The following PHF24 variants were observed in gnomAD, a reference collection of about 807,000 sequenced individuals.
The protein encoded by PHF24 is PHD finger protein 24, also known as Galpha inhibitory interacting protein.
A neutral mutation model predicts 42.6 loss-of-function variants in PHF24; 25 were observed. The ratio of observed to expected loss-of-function variants is 0.59; its 90% CI spans 0.43 to 0.82. PHF24 has a LOEUF of 0.82. Ranked by LOEUF, PHF24 falls within the 40% of genes least tolerant of loss-of-function variation. The pLI is 0.00. For missense variants in PHF24, 470 were observed against 538.1 expected (o/e 0.87, Z 1.25); for synonymous variants, 185 against 204.8 (o/e 0.90, Z 0.83).
the PHF24 span, among the ~76,000 whole-genome samples, chr9:34,921,233 GTTC>G: frequency 6.7e-6 from 1 of 149,150 alleles, no homozygotes; most frequent in South Asian, 2.1e-4. Flanking sequence ...TAATACACGT[GTTC>G]TTAACAATTA....
intron 6 of PHF24, 89 bp downstream of exon 6, chr9:34,977,332 T>G: frequency 6.8e-7 from 1 of 1,461,200 alleles, no homozygotes; most frequent in Non-Finnish European, 9.3e-7. Context: ...CTGCTCCCCC[T>G]GCCAACAGCC....
the PHF24 span, chr9:34,894,608 G>C: frequency 8.6e-5 from 34 of 397,606 alleles, no homozygotes; most frequent in Middle Eastern, 1.2e-3. Flanking sequence ...AAACCCCAGA[G>C]TCAGAACACT....
At chr9:34,832,917 G>T in the PHF24 span, 1 of 1,551,672 alleles carries the variant, frequency 6.4e-7, no homozygotes, top group South Asian at 1.2e-5. Context: ...TTCTCCCCAG[G>T]GACTCGTGGA....
the PHF24 span, among the ~76,000 whole-genome samples, chr9:34,839,760 T>C: frequency 6.6e-6 from 1 of 152,160 alleles, no homozygotes; most frequent in South Asian, 2.1e-4. Context: ...AAAATCTAGT[T>C]TCGAAGACAA....
At chr9:34,907,686 A>G in the PHF24 span, among the ~76,000 whole-genome samples, 1 of 151,676 alleles carries the variant, frequency 6.6e-6, no homozygotes, top group African/African-American at 2.4e-5. Flanking sequence ...ATTGCACTCT[A>G]TCTCTTTTCA....
chr9:34,777,756 A>C, the PHF24 span, among the ~76,000 whole-genome samples: 1 of 152,224 alleles, frequency 6.6e-6, no homozygotes, highest in Non-Finnish European at 1.5e-5. Flanking sequence ...CCTCAGACCC[A>C]GCGCTGCTGA....
At chr9:34,892,731 C>T in the PHF24 span, 1 of 462,698 alleles carries the variant, frequency 2.2e-6, no homozygotes, top group African/African-American at 2.0e-5. Flanking sequence ...CCAGGCTTCT[C>T]AAAGTTTGAA....
At chr9:34,755,036 A>G in the PHF24 span, among the ~76,000 whole-genome samples, 1 of 152,134 alleles carries the variant, frequency 6.6e-6, no homozygotes, top group African/African-American at 2.4e-5. Flanking sequence ...GAGAGAGTAG[A>G]ATAATGGTTA....
the PHF24 span, among the ~76,000 whole-genome samples, chr9:34,762,837 C>T: frequency 2.0e-5 from 3 of 152,262 alleles, no homozygotes; most frequent in East Asian, 1.9e-4. Context: ...TTAGGTCTAA[C>T]GTTTAAGTCT....
the PHF24 span, among the ~76,000 whole-genome samples, chr9:34,882,169 A>C: frequency 1.1e-4 from 17 of 152,244 alleles, no homozygotes; most frequent in African/African-American, 4.1e-4. Context: ...ACAGCCATTC[A>C]TGCTAAAAAC....
chr9:34,837,334 G>T, the PHF24 span: 9 of 363,506 alleles, frequency 2.5e-5, no homozygotes, highest in South Asian at 1.6e-4. Flanking sequence ...ACCATACTGT[G>T]AGTGAGAGGA....
At chr9:34,955,378 G>C (rs1231747411), upstream of PHF24, among the ~76,000 whole-genome samples, 3 of 148,236 alleles carry the variant, frequency 2.0e-5, no homozygotes, top group Admixed American at 6.8e-5. Context: ...ACAGTTAAGA[G>C]TGGTTGGTAC....
chr9:34,726,961 A>C, the PHF24 span: 1 of 1,550,166 alleles, frequency 6.5e-7, no homozygotes, highest in Non-Finnish European at 8.7e-7. Flanking sequence ...TTCGCCGCAC[A>C]CTTCTCTCCA....
At chr9:34,772,549 G>A in the PHF24 span, among the ~76,000 whole-genome samples, 10 of 152,140 alleles carry the variant, frequency 6.6e-5, no homozygotes, top group African/African-American at 2.4e-4. Context: ...GAATAAAAAT[G>A]ATTTAAAAAT....
chr9:34,756,608 A>G, the PHF24 span, among the ~76,000 whole-genome samples: 1 of 152,082 alleles, frequency 6.6e-6, no homozygotes, highest in Non-Finnish European at 1.5e-5. Context: ...TGTTTTGCCT[A>G]CTAGAGCTTT....
chr9:34,723,342 G>C, the PHF24 span: 4 of 1,551,694 alleles, frequency 2.6e-6, no homozygotes, highest in Non-Finnish European at 3.5e-6. Context: ...GAGTGTAGCC[G>C]GAGCTTATCG....
the PHF24 span, among the ~76,000 whole-genome samples, chr9:34,774,677 A>C: frequency 6.6e-6 from 1 of 152,066 alleles, no homozygotes; most frequent in Non-Finnish European, 1.5e-5. Context: ...GGAGGCTGAG[A>C]CAGGAGAATC....
chr9:34,942,513 A>T, the PHF24 span, among the ~76,000 whole-genome samples: 2 of 151,988 alleles, frequency 1.3e-5, no homozygotes, highest in East Asian at 3.9e-4. Flanking sequence ...GGTTCTGCAA[A>T]ATACACAGGT....
the PHF24 span, among the ~76,000 whole-genome samples, chr9:34,943,371 C>G: frequency 6.6e-6 from 1 of 152,186 alleles, no homozygotes; most frequent in African/African-American, 2.4e-5. Flanking sequence ...ACTCTAATAT[C>G]TAAGTATACC....
Sources: gnomAD v4.1 joint callset for allele counts (sites outside exome capture counted in the v4.1 genomes callset) on GRCh38, gnomAD v4.1.1 for gene constraint, MANE v1.5 for transcripts, NCBI Gene and HGNC (gene_info 2026-07-23, HGNC 2026-07-21) for gene names.